CCDC85A: variants seen among roughly 807,000 people sequenced by gnomAD.
CCDC85A encodes the protein coiled-coil domain-containing protein 85A.
A neutral mutation model predicts 50.2 loss-of-function variants in CCDC85A; 38 were observed. That is an observed-to-expected ratio of 0.76 (90% CI 0.58 to 0.99). The LOEUF (loss-of-function observed/expected upper bound fraction) is 0.99. Among genes scored for constraint, CCDC85A ranks in the 50% least tolerant of loss-of-function variants. The pLI is 0.00. For missense variants in CCDC85A, 820 were observed against 742.0 expected (o/e 1.11, Z -1.22); for synonymous variants, 366 against 301.4 (o/e 1.21, Z -2.22).
At chr2:56,210,457 G>T (rs921269269) in intron 2 of CCDC85A, among the ~76,000 whole-genome samples, 7 of 152,132 alleles carry the variant, frequency 4.6e-5, no homozygotes, top group African/African-American at 1.7e-4. Context: ...ACTTAGTGTT[G>T]TGAAACATCA....
intron 2 of CCDC85A, among the ~76,000 whole-genome samples, chr2:56,209,788 T>C (rs1242847059): frequency 6.6e-6 from 1 of 152,120 alleles, no homozygotes; most frequent in Non-Finnish European, 1.5e-5. Context: ...TATATATTTA[T>C]ATTTTGTTGA....
intron 2 of CCDC85A, among the ~76,000 whole-genome samples, chr2:56,228,459 G>T (rs976556589): frequency 2.0e-5 from 3 of 151,952 alleles, no homozygotes; most frequent in African/African-American, 7.3e-5. Context: ...ATTATTGCTA[G>T]TATTAGTATT....
At chr2:56,280,699 TA>T (rs1671167965) in intron 2 of CCDC85A, among the ~76,000 whole-genome samples, 1 of 152,078 alleles carries the variant, frequency 6.6e-6, no homozygotes, top group Non-Finnish European at 1.5e-5. Context: ...GAGAGAGTGT[TA>T]AAAAACAATG....
At chr2:56,353,429 C>T (rs1675057068) in intron 3 of CCDC85A, among the ~76,000 whole-genome samples, 1 of 152,184 alleles carries the variant, frequency 6.6e-6, no homozygotes, top group South Asian at 2.1e-4. Flanking sequence ...CTGGTTAGAT[C>T]CAAAGAGCTA....
intron 2 of CCDC85A, among the ~76,000 whole-genome samples, chr2:56,313,413 G>A (rs193231273): frequency 6.6e-6 from 1 of 152,204 alleles, no homozygotes; most frequent in African/African-American, 2.4e-5. Flanking sequence ...TCTGAAGTGG[G>A]AATAAGGAGA....
At chr2:56,358,229 G>A (rs1675335054) in intron 3 of CCDC85A, among the ~76,000 whole-genome samples, 2 of 152,184 alleles carry the variant, frequency 1.3e-5, no homozygotes, top group East Asian at 1.9e-4. Context: ...AGGAAACCTG[G>A]GCTTTAGTTT....
intron 2 of CCDC85A, among the ~76,000 whole-genome samples, chr2:56,266,574 A>ACT (rs1670450257): frequency 1.2e-5 from 1 of 81,830 alleles, no homozygotes; most frequent in Non-Finnish European, 2.5e-5. Context: ...ATTAACAATA[A>ACT]CGCGCCCCCC....
intron 3 of CCDC85A, among the ~76,000 whole-genome samples, chr2:56,358,010 T>C (rs1675323660): frequency 6.6e-6 from 1 of 152,170 alleles, no homozygotes; most frequent in Non-Finnish European, 1.5e-5. Flanking sequence ...TGAGAGAATG[T>C]CACCTATTAA....
chr2:56,211,803 T>A (rs535178065), intron 2 of CCDC85A, among the ~76,000 whole-genome samples: 1 of 152,072 alleles, frequency 6.6e-6, no homozygotes, highest in African/African-American at 2.4e-5. Context: ...CCCACATAAT[T>A]TTTCACTTGG....
chr2:56,339,716 C>CT (rs1384932372), intron 2 of CCDC85A, among the ~76,000 whole-genome samples: 1 of 151,602 alleles, frequency 6.6e-6, no homozygotes, highest in Non-Finnish European at 1.5e-5. Context: ...TGCTGATGAA[C>CT]TTTTCACTTG....
chr2:56,265,318 T>C (rs1431478467), intron 2 of CCDC85A, among the ~76,000 whole-genome samples: 1 of 152,234 alleles, frequency 6.6e-6, no homozygotes, highest in African/African-American at 2.4e-5. Context: ...CCTGTGTTCT[T>C]AACACAGCTA....
chr2:56,292,351 G>C (rs900149437), intron 2 of CCDC85A, among the ~76,000 whole-genome samples: 1 of 152,164 alleles, frequency 6.6e-6, no homozygotes, highest in Non-Finnish European at 1.5e-5. Flanking sequence ...CCAAAGTGCT[G>C]CTATTACAGG....
chr2:56,206,987 C>G (rs569953291), intron 2 of CCDC85A, among the ~76,000 whole-genome samples: 1 of 151,876 alleles, frequency 6.6e-6, no homozygotes, highest in African/African-American at 2.4e-5. Context: ...AAAATAGGAC[C>G]TAGTTGCCTG....
intron 5 of CCDC85A, among the ~76,000 whole-genome samples, chr2:56,376,587 C>T (rs1201921036): frequency 6.6e-6 from 1 of 151,960 alleles, no homozygotes; most frequent in Non-Finnish European, 1.5e-5. Context: ...AATGAGCTTT[C>T]CAATAAGTAA....
chr2:56,352,571 C>G (rs1005730549), intron 3 of CCDC85A, among the ~76,000 whole-genome samples: 2 of 152,172 alleles, frequency 1.3e-5, no homozygotes, highest in Non-Finnish European at 2.9e-5. Context: ...GTCTCAAACT[C>G]CTGGCCTCAA....
chr2:56,189,755 C>T (rs1371001190), intron 1 of CCDC85A, among the ~76,000 whole-genome samples: 1 of 152,054 alleles, frequency 6.6e-6, no homozygotes, highest in Non-Finnish European at 1.5e-5. Context: ...CACTAAGAGC[C>T]CCCAGTTTCT....
At chr2:56,219,681 A>G (rs1289201962) in intron 2 of CCDC85A, among the ~76,000 whole-genome samples, 10 of 151,936 alleles carry the variant, frequency 6.6e-5, no homozygotes, top group Admixed American at 5.3e-4. Flanking sequence ...ACCTTTTACC[A>G]AAGAAAGTGA....
chr2:56,307,456 G>T lies in CCDC85A; in HGVS notation c.1241-35423G>T, dbSNP rs7568158. ...TAACCCAGTGATAGGAGGTAGTGTA[G>T]AAATTTAATGAACTAATAAGTTTGT... On this transcript the variant is annotated intron_variant, in intron 2 of 5. Coordinates refer to ENST00000407595, the MANE Select transcript of CCDC85A (RefSeq NM_001080433.2). 8.8e-3 allele frequency among the ~76,000 whole-genome samples: 1,340 copies of T among 152,252 alleles called. 28 individuals carry two copies. Among genetic ancestry groups the T allele is most frequent in the African/African-American group, 0.031 (1,268 of 41,544 alleles).
intron 2 of CCDC85A, among the ~76,000 whole-genome samples, chr2:56,257,602 G>A (rs1423457784): frequency 6.6e-6 from 1 of 152,124 alleles, no homozygotes; most frequent in Non-Finnish European, 1.5e-5. Flanking sequence ...GGCATATTGT[G>A]GAGGTCTTAG....
Sources: allele counts gnomAD v4.1 joint callset (sites outside exome capture counted in the v4.1 genomes callset), GRCh38; gene constraint gnomAD v4.1.1; transcripts MANE v1.5; gene names NCBI Gene and HGNC (gene_info 2026-07-23, HGNC 2026-07-21).